ADAMTS20: variants seen among roughly 807,000 people sequenced by gnomAD.
ADAMTS20 encodes A disintegrin and metalloproteinase with thrombospondin motifs 20.
A neutral mutation model predicts 260.1 loss-of-function variants in ADAMTS20; 225 were observed. That is an observed-to-expected ratio of 0.87 (90% CI 0.78 to 0.97). The LOEUF (loss-of-function observed/expected upper bound fraction) is 0.97, where lower values mean the gene tolerates loss of function less well. ADAMTS20 is among the 50% of genes least tolerant of loss of function. The pLI, the probability that ADAMTS20 is intolerant of heterozygous loss-of-function variation, is 0.00. For missense variants in ADAMTS20, 2,400 were observed against 2,337.7 expected (o/e 1.03, Z -0.55); for synonymous variants, 802 against 769.5 (o/e 1.04, Z -0.70).
chr12:43,463,037 ATAAC>A, intron 10 of ADAMTS20, 38 bp from the exon 11 acceptor site: 1 of 1,390,946 alleles, frequency 7.2e-7, no homozygotes, highest in Non-Finnish European at 1.0e-6. Context: ...CAGTGTAAAG[ATAAC>A]ACCACAACAC....
chr12:43,478,154 A>C (rs1364682248), intron 7 of ADAMTS20, among the ~76,000 whole-genome samples: 1 of 152,138 alleles, frequency 6.6e-6, no homozygotes, highest in Non-Finnish European at 1.5e-5. Context: ...TTCAATTAAA[A>C]ACATGCACAA....
At chr12:43,454,125 G>T in intron 11 of ADAMTS20, 73 bp from the exon 12 acceptor site, 1 of 1,508,098 alleles carries the variant, frequency 6.6e-7, no homozygotes, top group Non-Finnish European at 8.9e-7. Context: ...TATAATAGCA[G>T]CATAAAGATC....
Position 43,493,404 on chromosome 12 carries a change from C to G in ADAMTS20, c.868-151G>C, listed in dbSNP as rs973883879. 5.3e-5 allele frequency among the ~76,000 whole-genome samples: 8 copies of G among 152,282 alleles called. No individual in the cohort carries two copies. In the East Asian group the frequency reaches 1.5e-3, roughly 29 times the overall value. The stretch of plus-strand genomic sequence containing the variant: ...GAGTGCTTTAACAAATCCTCATGTT[C>G]AGACCACATCCCTTACCAAATAAAT... On this transcript the variant is annotated intron_variant, in intron 4 of 38. Transcript: ENST00000389420.
At chr12:43,372,618 T>C (rs1191983267) in intron 36 of ADAMTS20, among the ~76,000 whole-genome samples, 2 of 152,188 alleles carry the variant, frequency 1.3e-5, no homozygotes, top group Non-Finnish European at 2.9e-5. Flanking sequence ...AAATAAAATG[T>C]TTCTCTATGA....
At chr12:43,449,372 A>T (rs760878827) in intron 14 of ADAMTS20, among the ~76,000 whole-genome samples, 2 of 152,152 alleles carry the variant, frequency 1.3e-5, no homozygotes, top group African/African-American at 2.4e-5. Context: ...TCCTTAGCAA[A>T]CCAACACAGG....
intron 12 of ADAMTS20, among the ~76,000 whole-genome samples, chr12:43,453,415 A>C (rs952992730): frequency 1.3e-5 from 2 of 152,174 alleles, no homozygotes; most frequent in African/African-American, 2.4e-5. Flanking sequence ...TGAGGGGGAG[A>C]TATGCTTTAG....
intron 28 of ADAMTS20, among the ~76,000 whole-genome samples, chr12:43,420,758 T>TTTCTTC (rs1181107712): frequency 6.7e-6 from 1 of 149,568 alleles, no homozygotes; most frequent in Admixed American, 6.7e-5. Flanking sequence ...TACATGCTCA[T>TTTCTTC]TTCTTCTTCT....
intron 16 of ADAMTS20, among the ~76,000 whole-genome samples, chr12:43,441,221 CT>C (rs1251396302): frequency 6.6e-6 from 1 of 152,026 alleles, no homozygotes; most frequent in African/African-American, 2.4e-5. Flanking sequence ...AATAATACTC[CT>C]ATTTCCTTCT....
rs1391319351 is a variant in ADAMTS20, at chr12:43,551,242, G to C, written c.120C>G (p.Tyr40Ter). Residue 40 changes from tyrosine to a stop codon, truncating the protein, a stop_gained, in exon 2 of 39, where the codon TAC becomes TAG. Transcript: ENST00000389420. LOFTEE classifies it high-confidence loss of function. This position sits in a 1 kb window ranked among gnomAD's most constrained non-coding sequence, Gnocchi z 4.6. ...TGACCCGCTCGGGGATCACTACTTC[G>C]TAGGAGGTCAGTGTCCTCACCAGGG... Reference protein sequence around the residue: ...QEALVRTLTSYEVVIPERVNE... With the variant: ...QEALVRTLTS 6.2e-7 allele frequency: 1 copy of C among 1,613,688 alleles called. No homozygotes were observed. The highest frequency in any genetic ancestry group is 1.7e-5 in the Admixed American group (1 of 60,014).
At chr12:43,369,166 T>C in intron 37 of ADAMTS20, 124 bp downstream of exon 37, 1 of 498,258 alleles carries the variant, frequency 2.0e-6, no homozygotes, top group Non-Finnish European at 3.3e-6. Flanking sequence ...ACAAAGCGCA[T>C]ATGTGAAGTT....
intron 10 of ADAMTS20, among the ~76,000 whole-genome samples, chr12:43,464,261 C>T (rs972282578): frequency 9.9e-5 from 15 of 152,018 alleles, no homozygotes; most frequent in African/African-American, 3.4e-4. Context: ...CCTATATTTT[C>T]TCCTTAACCT....
At chr12:43,381,023 A>G (rs1940337739) in intron 31 of ADAMTS20, among the ~76,000 whole-genome samples, 1 of 152,214 alleles carries the variant, frequency 6.6e-6, no homozygotes, top group Non-Finnish European at 1.5e-5. Context: ...ACATGGTAAT[A>G]ATATATTGAT....
chr12:43,524,614 A>C (rs988525744), intron 3 of ADAMTS20, among the ~76,000 whole-genome samples: 1 of 152,198 alleles, frequency 6.6e-6, no homozygotes, highest in Non-Finnish European at 1.5e-5. Flanking sequence ...TTTAAAAAAC[A>C]ATTCAGAGCA....
chr12:43,506,267 A>G (rs1942840678), intron 3 of ADAMTS20, among the ~76,000 whole-genome samples: 1 of 152,152 alleles, frequency 6.6e-6, no homozygotes, highest in African/African-American at 2.4e-5. Context: ...TATTACTTAA[A>G]TGAGATACTT....
At chr12:43,358,856 AAG>A (rs1283950677) in intron 37 of ADAMTS20, among the ~76,000 whole-genome samples, 2 of 151,406 alleles carry the variant, frequency 1.3e-5, no homozygotes, top group Non-Finnish European at 2.9e-5. Flanking sequence ...AAAAAAAAAA[AAG>A]TAATTCAACA....
intron 7 of ADAMTS20, among the ~76,000 whole-genome samples, chr12:43,490,034 G>A (rs1423857730): frequency 6.6e-6 from 1 of 152,020 alleles, no homozygotes; most frequent in Non-Finnish European, 1.5e-5. Context: ...GGGAAAAGTA[G>A]AGTGATGGAA....
At chr12:43,501,055 C>CTTTTTT (rs79075751) in intron 4 of ADAMTS20, among the ~76,000 whole-genome samples, 22,225 of 103,742 alleles carry the variant, frequency 0.21, 3,559 homozygotes, top group East Asian at 0.65. Flanking sequence ...CTATGTAATT[C>CTTTTTT]TTTTTTTTTT....
rs574958728 is a variant in ADAMTS20, at chr12:43,534,622, T to C, written c.454-2427A>G. 7.9e-5 allele frequency among the ~76,000 whole-genome samples: 12 copies of C among 152,254 alleles called. No homozygotes were observed. The East Asian group carries it at 2.1e-3, about 27-fold the overall frequency. ...CATAAACTTTAGCACAACTATGTGA[T>C]GGCATCCCTTGAGGTTATAAACAAA... On this transcript the variant is annotated intron_variant, in intron 2 of 38. Transcript: ENST00000389420.
chr12:43,481,677 G>A (rs904717831), intron 7 of ADAMTS20, among the ~76,000 whole-genome samples: 1 of 152,078 alleles, frequency 6.6e-6, no homozygotes, highest in South Asian at 2.1e-4. Flanking sequence ...TCTATGGACC[G>A]GCATCATAAA....
Sources: allele counts gnomAD v4.1 joint callset (sites outside exome capture counted in the v4.1 genomes callset), GRCh38; gene constraint gnomAD v4.1.1; non-coding constraint Gnocchi (gnomAD v3.1); transcripts MANE v1.5; gene names NCBI Gene and HGNC (gene_info 2026-07-23, HGNC 2026-07-21).